Variants in ANKHD1 observed in about 807,000 individuals in gnomAD.
The protein encoded by ANKHD1 is ankyrin repeat and KH domain containing 1.
ANKHD1 carries 31 observed loss-of-function variants against 230.5 expected under a neutral mutation model. That is an observed-to-expected ratio of 0.13 (90% CI 0.10 to 0.18). The LOEUF (loss-of-function observed/expected upper bound fraction) is 0.18. Ranked by LOEUF, ANKHD1 falls within the 10% of genes least tolerant of loss-of-function variation. The pLI is 1.00. For synonymous variants in ANKHD1, 1,074 were observed against 1,117.6 expected, an observed-to-expected ratio of 0.96 and a Z score of 0.78; for missense variants, 2,256 against 3,071.3, an observed-to-expected ratio of 0.73 and a Z score of 6.27.
chr5:140,536,731 T>G (rs1287387681), intron 30 of ANKHD1, among the ~76,000 whole-genome samples: 2 of 152,190 alleles, frequency 1.3e-5, no homozygotes, highest in Admixed American at 6.5e-5. Context: ...TTTTAGTTAA[T>G]TTTCAAATGT....
chr5:140,448,400 A>C (rs1774453695), intron 6 of ANKHD1, among the ~76,000 whole-genome samples: 2 of 152,140 alleles, frequency 1.3e-5, no homozygotes, highest in South Asian at 4.1e-4. Context: ...AAATTCCTGG[A>C]AGTGGAATTG....
chr5:140,483,259 C>G (rs1348081302), intron 11 of ANKHD1, among the ~76,000 whole-genome samples: 1 of 151,996 alleles, frequency 6.6e-6, no homozygotes, highest in African/African-American at 2.4e-5. Flanking sequence ...TCAGCAGTTT[C>G]ATTTGGTTCA....
intron 1 of ANKHD1, among the ~76,000 whole-genome samples, chr5:140,410,546 A>AT (rs931905893): frequency 2.8e-4 from 41 of 148,754 alleles, no homozygotes; most frequent in African/African-American, 5.4e-4. Context: ...AGTTTACCAA[A>AT]TTTTTTTTTT....
intron 10 of ANKHD1, among the ~76,000 whole-genome samples, chr5:140,467,811 C>T (rs1475065882): frequency 6.6e-6 from 1 of 152,070 alleles, no homozygotes; most frequent in African/African-American, 2.4e-5. Flanking sequence ...GCAGATTAGT[C>T]CCTGAGTCCT....
intron 22 of ANKHD1, 57 bp downstream of exon 22, chr5:140,510,238 T>A (rs1426997492): frequency 1.9e-5 from 28 of 1,512,972 alleles, no homozygotes; most frequent in Non-Finnish European, 2.2e-5. Flanking sequence ...GTTAAAACCA[T>A]GTGAGAAAGA....
At chr5:140,530,946 A>G (rs774306005) in intron 29 of ANKHD1, among the ~76,000 whole-genome samples, 4 of 152,264 alleles carry the variant, frequency 2.6e-5, no homozygotes, top group Non-Finnish European at 4.4e-5. Flanking sequence ...TTGTCTTTTC[A>G]GGAAAACATA....
intron 15 of ANKHD1, 114 bp downstream of exon 15, chr5:140,497,392 A>G (rs1307839559): frequency 1.8e-5 from 26 of 1,450,394 alleles, no homozygotes; most frequent in Non-Finnish European, 2.0e-5. Context: ...ACTTTGTAAA[A>G]TTACCCATTT....
intron 1 of ANKHD1, among the ~76,000 whole-genome samples, chr5:140,430,621 A>G (rs895235488): frequency 6.6e-6 from 1 of 150,820 alleles, no homozygotes. Context: ...CATATTTAAC[A>G]TATCTCCACG....
intron 10 of ANKHD1, among the ~76,000 whole-genome samples, chr5:140,478,867 C>T (rs973666656): frequency 3.0e-4 from 45 of 152,120 alleles, no homozygotes; most frequent in Non-Finnish European, 5.4e-4. Context: ...TGGTCTGGAA[C>T]TCCTGACCTC....
intron 30 of ANKHD1, chr5:140,535,892 TAAAAAAAAAA>T (rs66796784): frequency 1.9e-5 from 2 of 104,780 alleles, no homozygotes; most frequent in East Asian, 2.8e-4. Context: ...CTGTCTCTAT[TAAAAAAAAAA>T]AAAAAAAAAA....
At chr5:140,525,850 A>G in intron 25 of ANKHD1, 146 bp from the exon 26 acceptor site, 1 of 1,043,724 alleles carries the variant, frequency 9.6e-7, no homozygotes, top group Non-Finnish European at 1.3e-6. Context: ...AAAAAAAAAA[A>G]GATTTCTTTA....
chr5:140,465,824 G>T (rs1776040536), intron 10 of ANKHD1, among the ~76,000 whole-genome samples: 1 of 151,996 alleles, frequency 6.6e-6, no homozygotes, highest in Non-Finnish European at 1.5e-5. Flanking sequence ...ATGCTTTTTT[G>T]TCTGAGAATT....
chr5:140,426,198 T>C (rs921720583), intron 1 of ANKHD1, among the ~76,000 whole-genome samples: 5 of 152,196 alleles, frequency 3.3e-5, no homozygotes, highest in Non-Finnish European at 2.9e-5. Flanking sequence ...GGCATGATCT[T>C]GGCTCACTGC....
At position 140,482,650 on chromosome 5, in the gene ANKHD1, A is replaced by G. The variant is rs1751334965; in HGVS notation, c.1853A>G (p.Gln618Arg). The G allele has an allele frequency of 6.2e-7, 1 of 1,612,784 alleles. No homozygotes were observed. Among genetic ancestry groups the G allele is most frequent in the Non-Finnish European group, 8.5e-7 (1 of 1,179,468 alleles). The stretch of plus-strand genomic sequence containing the variant: ...AGAGCTGGTCATTTGTGCACTGTGC[A>G]GTTTCTTATTAGCAAAGGTAAAGAA... The part of the protein sequence containing the change: ...AARAGHLCTV[Q>R]FLISKGANVN... The change falls in exon 11 of 34, where the codon CAG becomes CGG. Residue 618 changes from glutamine (Q) to arginine (R), a missense_variant. Around this residue, in one of 13 missense-constraint regions of ANKHD1, gnomAD observed 179 missense variants for 261.8 expected, o/e 0.68. Coordinates refer to ENST00000360839, the MANE Select transcript of ANKHD1 (RefSeq NM_017747.3).
intron 15 of ANKHD1, among the ~76,000 whole-genome samples, chr5:140,503,553 CTTTTTTTTTTTTTTTTTTTTTT>C (rs70988767): frequency 1.9e-5 from 1 of 51,418 alleles, no homozygotes; most frequent in Non-Finnish European, 3.3e-5. Flanking sequence ...AGTTTTCTTT[CTTTTTTTTTTTTTTTTTTTTTT>C]TTTTTTTTTT....
At chr5:140,523,420 G>A (rs957580222) in intron 24 of ANKHD1, among the ~76,000 whole-genome samples, 1 of 150,670 alleles carries the variant, frequency 6.6e-6, no homozygotes, top group Non-Finnish European at 1.5e-5. Flanking sequence ...CATATAACTT[G>A]ATGTTTTCAT....
intron 1 of ANKHD1, among the ~76,000 whole-genome samples, chr5:140,427,389 C>T (rs1475242565): frequency 2.0e-4 from 1 of 5,050 alleles, no homozygotes; most frequent in East Asian, 5.3e-3. Context: ...CCCCCCACCT[C>T]CCTCCCCGAC....
At chr5:140,509,294 TAA>T (rs1427019058) in intron 20 of ANKHD1, among the ~76,000 whole-genome samples, 2 of 152,266 alleles carry the variant, frequency 1.3e-5, no homozygotes, top group Middle Eastern at 6.3e-3. Flanking sequence ...AAAAAATTTA[TAA>T]AGTGATTTTA....
rs926459030 is a variant in ANKHD1, at chr5:140,487,041, C to T, written c.2226C>T (p.Ala742=). 2.5e-6 allele frequency: 4 copies of T among 1,612,084 alleles called. No individual in the cohort carries two copies. Among genetic ancestry groups the T allele is most frequent in the African/African-American group, 2.7e-5 (2 of 74,758 alleles). The part of the protein sequence containing the change: ...PDRTSQENSP[A]LLGVQKGTSK... ...GAACTTCACAGGAGAACTCTCCTGCCCTTTTAGGAGTGCAAAAAGGTTAGT... is the reference window on the plus strand; with the variant it reads ...GAACTTCACAGGAGAACTCTCCTGCTCTTTTAGGAGTGCAAAAAGGTTAGT... The change falls in exon 14 of 34, where the codon GCC becomes GCT. Residue 742 remains alanine (A), a synonymous_variant. Coordinates refer to ENST00000360839, the MANE Select transcript of ANKHD1 (RefSeq NM_017747.3).
Sources: gnomAD v4.1 joint callset for allele counts (sites outside exome capture counted in the v4.1 genomes callset) on GRCh38, gnomAD v4.1.1 for gene constraint, gnomAD v4.1.1 regional missense constraint, MANE v1.5 for transcripts, NCBI Gene and HGNC (gene_info 2026-07-23, HGNC 2026-07-21) for gene names.